ADAMTS12: variants seen among roughly 807,000 people sequenced by gnomAD.
ADAMTS12 encodes the protein ADAM metallopeptidase with thrombospondin type 1 motif 12, also known as A disintegrin and metalloproteinase with thrombospondin motifs 12.
ADAMTS12 carries 118 observed loss-of-function variants against 167.8 expected under a neutral mutation model. The ratio of observed to expected loss-of-function variants is 0.70; its 90% confidence interval spans 0.61 to 0.82. The LOEUF is 0.82. Ranked by LOEUF, ADAMTS12 falls within the 40% of genes least tolerant of loss-of-function variation. ADAMTS12 has a pLI of 0.00. For synonymous variants in ADAMTS12, 704 were observed against 716.9 expected, an observed-to-expected ratio of 0.98 and a Z score of 0.29; for missense variants, 1,916 against 1,998.8, an observed-to-expected ratio of 0.96 and a Z score of 0.79.
intron 2 of ADAMTS12, among the ~76,000 whole-genome samples, chr5:33,796,738 T>C (rs1418396989): frequency 6.6e-6 from 1 of 152,206 alleles, no homozygotes; most frequent in Non-Finnish European, 1.5e-5. Flanking sequence ...ATCAAGCCTA[T>C]GGCAACCTGG....
intron 2 of ADAMTS12, among the ~76,000 whole-genome samples, chr5:33,781,982 T>C (rs1746146508): frequency 6.6e-6 from 1 of 152,074 alleles, no homozygotes; most frequent in East Asian, 1.9e-4. Context: ...CTCTTATTTA[T>C]CCATTAAAGC....
At chr5:33,675,729 AT>A (rs986128660) in intron 5 of ADAMTS12, among the ~76,000 whole-genome samples, 2 of 152,088 alleles carry the variant, frequency 1.3e-5, no homozygotes, top group African/African-American at 4.8e-5. Context: ...AATTGAGCAC[AT>A]TTTTTTCAAC....
chr5:33,588,132 G>A (rs114523844), intron 18 of ADAMTS12, among the ~76,000 whole-genome samples: 3,078 of 152,316 alleles, frequency 0.02, 31 homozygotes, highest in Non-Finnish European at 0.03. Context: ...CCTTGGTCTG[G>A]TTTGGACTTG....
At chr5:33,607,265 T>A (rs950036527) in intron 16 of ADAMTS12, among the ~76,000 whole-genome samples, 1 of 151,834 alleles carries the variant, frequency 6.6e-6, no homozygotes, top group Non-Finnish European at 1.5e-5. Flanking sequence ...AAACAAAAAG[T>A]GAAACATCTG....
chr5:33,699,951 C>A (rs994086105), intron 3 of ADAMTS12, among the ~76,000 whole-genome samples: 1 of 152,090 alleles, frequency 6.6e-6, no homozygotes, highest in African/African-American at 2.4e-5. Flanking sequence ...AGTTAGTCAA[C>A]ATCATTAGCT....
At chr5:33,682,038 T>G (rs10056057) in intron 5 of ADAMTS12, among the ~76,000 whole-genome samples, 8,031 of 152,276 alleles carry the variant, frequency 0.053, 439 homozygotes, top group East Asian at 0.17. Flanking sequence ...AATGAATTCT[T>G]ATGGCAAGGC....
At chr5:33,773,864 G>T (rs1173546337) in intron 2 of ADAMTS12, among the ~76,000 whole-genome samples, 7 of 152,108 alleles carry the variant, frequency 4.6e-5, no homozygotes, top group African/African-American at 1.7e-4. Context: ...TGGCCAAGAA[G>T]CCACTGACTG....
intron 20 of ADAMTS12, among the ~76,000 whole-genome samples, chr5:33,554,172 A>C (rs983474445): frequency 2.0e-5 from 3 of 152,250 alleles, no homozygotes; most frequent in African/African-American, 7.2e-5. Flanking sequence ...GCTGAATCTT[A>C]ATGAGTAAAT....
chr5:33,530,159 C>T (rs1422114411), intron 23 of ADAMTS12, among the ~76,000 whole-genome samples: 2 of 152,048 alleles, frequency 1.3e-5, no homozygotes, highest in Non-Finnish European at 2.9e-5. Context: ...CTCCTGACCT[C>T]GAATGACCTG....
chr5:33,581,211 A>G (rs573096577), intron 18 of ADAMTS12, among the ~76,000 whole-genome samples: 1 of 152,268 alleles, frequency 6.6e-6, no homozygotes. Context: ...CACACTCCAA[A>G]CCTATCTCAA....
chr5:33,758,012 T>G (rs1328762363), intron 2 of ADAMTS12, among the ~76,000 whole-genome samples: 1 of 152,158 alleles, frequency 6.6e-6, no homozygotes, highest in Non-Finnish European at 1.5e-5. Context: ...AGCCTACGCC[T>G]CAGTTTCCTC....
chr5:33,761,247 CCTT>C (rs910790593), intron 2 of ADAMTS12, among the ~76,000 whole-genome samples: 2 of 152,236 alleles, frequency 1.3e-5, no homozygotes, highest in African/African-American at 4.8e-5. Flanking sequence ...TGGCCCTGGG[CCTT>C]CTTCTCCCAC....
intron 2 of ADAMTS12, among the ~76,000 whole-genome samples, chr5:33,753,158 T>C (rs560005632): frequency 6.6e-6 from 1 of 152,184 alleles, no homozygotes; most frequent in Non-Finnish European, 1.5e-5. Context: ...GGGAATCAAA[T>C]GAGGTGAAGC....
chr5:33,889,052 T>C (rs1389253081), intron 1 of ADAMTS12, among the ~76,000 whole-genome samples: 2 of 152,196 alleles, frequency 1.3e-5, no homozygotes, highest in Non-Finnish European at 2.9e-5. Context: ...TGTGGAACCC[T>C]GTGCAATTCC....
chr5:33,742,284 C>T (rs1277328162), intron 3 of ADAMTS12, among the ~76,000 whole-genome samples: 3 of 150,544 alleles, frequency 2.0e-5, no homozygotes, highest in Non-Finnish European at 4.4e-5. Context: ...TTGATAATTT[C>T]CTCAAACATC....
chr5:33,658,255 G>T lies in ADAMTS12; in HGVS notation c.1119C>A (p.His373Gln), dbSNP rs2112210932. 6.2e-7 allele frequency: 1 copy of T among 1,613,724 alleles called. No homozygotes were observed. Among genetic ancestry groups the T allele is most frequent in the African/African-American group, 1.3e-5 (1 of 75,022 alleles). Reference sequence around the variant, plus strand: ...AATCTTCATTGATGTTACAACTGCGGTGAGGCTGACACATTCCTGAAAGGT... The same window carrying T: ...AATCTTCATTGATGTTACAACTGCGTTGAGGCTGACACATTCCTGAAAGGT... ...LSHLSGMCQP[H>Q]RSCNINEDSG... The change falls in exon 7 of 24, where the codon CAC (histidine) becomes CAA (glutamine). Residue 373 changes from histidine (H) to glutamine (Q), a missense_variant. Transcript: ENST00000504830.
chr5:33,673,240 C>G (rs1741783144), intron 5 of ADAMTS12, among the ~76,000 whole-genome samples: 1 of 152,150 alleles, frequency 6.6e-6, no homozygotes, highest in African/African-American at 2.4e-5. Context: ...CTCAATCAGT[C>G]ATATTTTTGG....
intron 3 of ADAMTS12, among the ~76,000 whole-genome samples, chr5:33,696,736 A>G (rs1742792912): frequency 6.6e-6 from 1 of 152,152 alleles, no homozygotes; most frequent in Admixed American, 6.5e-5. Context: ...CTCAAGTTTG[A>G]GTTAATTTTT....
In ADAMTS12 at chr5:33,751,528, T is replaced by C; in HGVS notation, c.510A>G (p.Pro170=). 1.2e-6 allele frequency: 2 copies of C among 1,613,996 alleles called. No individual in the cohort carries two copies. The highest frequency in any genetic ancestry group is 1.7e-6 in the Non-Finnish European group (2 of 1,179,970). ...CHGLTGFFQL[P]HGDFFIEPVK... ...CGGGTTCAATGAAAAAGTCTCCATG[T>C]GGTAGTTGGAAAAATCCAGTCTGTA... The change falls in exon 3 of 24, where the codon CCA becomes CCG. Residue 170 remains proline, a synonymous_variant. Transcript: ENST00000504830.
Sources: gnomAD v4.1 joint callset for allele counts (sites outside exome capture counted in the v4.1 genomes callset) on GRCh38, gnomAD v4.1.1 for gene constraint, MANE v1.5 for transcripts, NCBI Gene and HGNC (gene_info 2026-07-23, HGNC 2026-07-21) for gene names.